CSMD1: variants seen among roughly 807,000 people sequenced by gnomAD.
CSMD1 encodes CUB and sushi domain-containing protein 1.
CSMD1 carries 213 observed loss-of-function variants against 417.5 expected under a neutral mutation model. The ratio of observed to expected loss-of-function variants is 0.51; its 90% confidence interval spans 0.46 to 0.57. CSMD1 has a LOEUF of 0.57. CSMD1 is among the 20% of genes least tolerant of loss of function. The pLI, the probability that CSMD1 is intolerant of heterozygous loss-of-function variation, is 0.00. For synonymous variants in CSMD1, 2,862 were observed against 1,736.8 expected (o/e 1.65, Z -16.11); for missense variants, 6,923 against 4,529.7 (o/e 1.53, Z -15.17).
intron 5 of CSMD1, among the ~76,000 whole-genome samples, chr8:3,950,290 G>C (rs905921300): frequency 2.0e-5 from 3 of 152,132 alleles, no homozygotes; most frequent in Non-Finnish European, 2.9e-5. Flanking sequence ...CAAAATAAAA[G>C]AACCTATTCT....
intron 1 of CSMD1, among the ~76,000 whole-genome samples, chr8:4,887,369 T>C (rs932448133): frequency 6.6e-6 from 1 of 152,072 alleles, no homozygotes; most frequent in African/African-American, 2.4e-5. Flanking sequence ...GTATTAAGGC[T>C]TATTTTATGA....
chr8:3,958,934 A>G (rs540337594), intron 5 of CSMD1, among the ~76,000 whole-genome samples: 2 of 152,152 alleles, frequency 1.3e-5, no homozygotes, highest in Non-Finnish European at 2.9e-5. Flanking sequence ...TGCAACTCAC[A>G]TTTTTTGAGC....
At chr8:3,404,992 G>A (rs1193567637) in intron 15 of CSMD1, among the ~76,000 whole-genome samples, 1 of 151,956 alleles carries the variant, frequency 6.6e-6, no homozygotes, top group Non-Finnish European at 1.5e-5. Flanking sequence ...TATTGATCCA[G>A]GAATATAACT....
In CSMD1 at chr8:4,259,119, A is replaced by G. The variant is rs140326674; in HGVS notation, c.415+160834T>C. 3.3e-3 allele frequency among the ~76,000 whole-genome samples: 506 copies of G among 152,288 alleles called. 2 individuals are homozygous for G. Among genetic ancestry groups the G allele is most frequent in the African/African-American group, 0.012 (480 of 41,544 alleles). On this transcript the variant is annotated intron_variant, in intron 3 of 69. Coordinates refer to ENST00000635120, the MANE Select transcript of CSMD1 (RefSeq NM_033225.6). Reference sequence around the variant, plus strand: ...TTACCTCTGAAAGGTCGTACTTTAAATATCAGAGCTAATTAGGCCTACCTC... The same window carrying G: ...TTACCTCTGAAAGGTCGTACTTTAAGTATCAGAGCTAATTAGGCCTACCTC...
intron 3 of CSMD1, among the ~76,000 whole-genome samples, chr8:4,388,527 A>T (rs1439679385): frequency 6.7e-6 from 1 of 149,596 alleles, no homozygotes; most frequent in African/African-American, 2.5e-5. Context: ...CATAAGAAGG[A>T]TACAGTGGAT....
At chr8:3,486,587 C>G (rs768579507) in intron 11 of CSMD1, among the ~76,000 whole-genome samples, 1 of 152,210 alleles carries the variant, frequency 6.6e-6, no homozygotes, top group African/African-American at 2.4e-5. Flanking sequence ...GCCAGAACAA[C>G]TGGAAATGAC....
chr8:4,259,659 C>G (rs985164724), intron 3 of CSMD1, among the ~76,000 whole-genome samples: 1 of 152,086 alleles, frequency 6.6e-6, no homozygotes, highest in Non-Finnish European at 1.5e-5. Flanking sequence ...CATTCTTCCC[C>G]TACTGGCAGT....
intron 3 of CSMD1, among the ~76,000 whole-genome samples, chr8:4,277,922 G>A (rs932501216): frequency 2.0e-5 from 3 of 151,824 alleles, no homozygotes; most frequent in Non-Finnish European, 2.9e-5. Context: ...TAATTTTTTT[G>A]TATTTTTAGT....
intron 5 of CSMD1, among the ~76,000 whole-genome samples, chr8:3,990,543 T>C (rs1463687883): frequency 6.6e-6 from 1 of 152,242 alleles, no homozygotes; most frequent in Admixed American, 6.5e-5. Context: ...TATCCATAGC[T>C]ACCACCATTC....
chr8:3,481,254 G>A (rs1338091950), intron 11 of CSMD1, among the ~76,000 whole-genome samples: 1 of 148,418 alleles, frequency 6.7e-6, no homozygotes, highest in Non-Finnish European at 1.5e-5. Flanking sequence ...AAGGAGAAAA[G>A]AAAAGAAACT....
At chr8:4,366,232 T>C (rs574453632) in intron 3 of CSMD1, among the ~76,000 whole-genome samples, 2 of 149,294 alleles carry the variant, frequency 1.3e-5, no homozygotes, top group East Asian at 4.0e-4. Flanking sequence ...ACTGCATCCA[T>C]GTAGCTGCAA....
rs573796102 is a variant in CSMD1, at chr8:3,518,767, G to A, written c.1345-25041C>T. ...AGAAGAACAGTTCATTACATGCTCT[G>A]TTTGTTAGAATTAATTACTAGATGG... On this transcript the variant is annotated intron_variant, in intron 10 of 69. Transcript: ENST00000635120. Among the ~76,000 whole-genome samples, 178 of 151,122 alleles carry A rather than the reference G, an allele frequency of 1.2e-3. 1 individual carries two copies. Among genetic ancestry groups the A allele is most frequent in the African/African-American group, 4.1e-3 (167 of 40,518 alleles).
At chr8:4,245,663 C>A (rs1199799938) in intron 3 of CSMD1, among the ~76,000 whole-genome samples, 3 of 152,106 alleles carry the variant, frequency 2.0e-5, no homozygotes, top group African/African-American at 4.8e-5. Context: ...AACCAATCTA[C>A]CCCATATGAA....
chr8:4,929,257 C>G (rs766573738), intron 1 of CSMD1, among the ~76,000 whole-genome samples: 4 of 152,106 alleles, frequency 2.6e-5, no homozygotes, highest in Non-Finnish European at 4.4e-5. Flanking sequence ...GCAGAGAAAC[C>G]AAACCTGCAG....
intron 1 of CSMD1, among the ~76,000 whole-genome samples, chr8:4,831,629 C>T (rs900124538): frequency 4.6e-5 from 7 of 152,084 alleles, no homozygotes; most frequent in Admixed American, 2.0e-4. Context: ...CTCTTTCTTT[C>T]GCTTTGGAAA....
At chr8:4,163,031 A>C (rs1233947890) in intron 3 of CSMD1, among the ~76,000 whole-genome samples, 1 of 152,122 alleles carries the variant, frequency 6.6e-6, no homozygotes, top group East Asian at 1.9e-4. Context: ...AGTAACGTGC[A>C]CTTCAGTTCA....
chr8:3,920,423 G>C (rs1338152541), intron 5 of CSMD1, among the ~76,000 whole-genome samples: 1 of 151,882 alleles, frequency 6.6e-6, no homozygotes, highest in Non-Finnish European at 1.5e-5. Flanking sequence ...TGTAACATCT[G>C]AAAACATAAA....
At chr8:4,296,757 A>G (rs1276695596) in intron 3 of CSMD1, among the ~76,000 whole-genome samples, 1 of 141,762 alleles carries the variant, frequency 7.1e-6, no homozygotes, top group Non-Finnish European at 1.5e-5. Context: ...CTACTGTATA[A>G]TGATTTCTAA....
intron 1 of CSMD1, among the ~76,000 whole-genome samples, chr8:4,985,581 A>G (rs975794920): frequency 6.6e-6 from 1 of 152,200 alleles, no homozygotes; most frequent in Non-Finnish European, 1.5e-5. Flanking sequence ...AAAAATGTGT[A>G]TATCTTCCCT....
Sources: gnomAD v4.1 joint callset for allele counts (sites outside exome capture counted in the v4.1 genomes callset) on GRCh38, gnomAD v4.1.1 for gene constraint, MANE v1.5 for transcripts, NCBI Gene and HGNC (gene_info 2026-07-23, HGNC 2026-07-21) for gene names.